Variants in HIP1 observed in about 807,000 individuals in gnomAD.
HIP1 encodes huntingtin interacting protein 1, also known as huntingtin-interacting protein 1.
HIP1 carries 65 observed loss-of-function variants against 147.6 expected under a neutral mutation model. The observed-to-expected ratio is 0.44, with a 90% CI of 0.36 to 0.54. HIP1 has a LOEUF of 0.54. Among genes scored for constraint, HIP1 ranks in the 20% least tolerant of loss-of-function variants. The pLI, the probability that HIP1 is intolerant of heterozygous loss-of-function variation, is 0.00. For missense variants in HIP1, 1,061 were observed against 1,299.6 expected (o/e 0.82, Z 2.82); for synonymous variants, 479 against 504.0 (o/e 0.95, Z 0.67).
At chr7:75,640,910 G>T (rs1798631095) in intron 1 of HIP1, among the ~76,000 whole-genome samples, 1 of 152,018 alleles carries the variant, frequency 6.6e-6, no homozygotes, top group Non-Finnish European at 1.5e-5. Context: ...GGACCTGCTG[G>T]GCTTGCCCTA....
At chr7:75,612,480 G>A (rs1460367420) in intron 1 of HIP1, among the ~76,000 whole-genome samples, 3 of 151,898 alleles carry the variant, frequency 2.0e-5, no homozygotes, top group Non-Finnish European at 4.4e-5. Context: ...CTGCACTCCA[G>A]CCTGGGTGAC....
At position 75,618,941 on chromosome 7, in the gene HIP1, C is replaced by T. The variant is rs587616412; in HGVS notation, c.121-19694G>A. On this transcript the variant is annotated intron_variant, in intron 1 of 30. Coordinates refer to ENST00000336926, the MANE Select transcript of HIP1 (RefSeq NM_005338.7). ...AACCTCCTGGGCTCCAGTGAGCCTC[C>T]CACCTTGGCCTCCCACCCAACATCC... Among the ~76,000 whole-genome samples, 9 of 152,226 alleles carry T rather than the reference C, an allele frequency of 5.9e-5. 1 individual carries two copies. The South Asian group carries it at 1.9e-3, about 32-fold the overall frequency.
chr7:75,592,322 C>T (rs1554500955), intron 3 of HIP1, 50 bp downstream of exon 3: 1 of 1,570,556 alleles, frequency 6.4e-7, no homozygotes, highest in Non-Finnish European at 8.6e-7. Context: ...CAGTCACTTT[C>T]CCCACAAGGA....
intron 1 of HIP1, among the ~76,000 whole-genome samples, chr7:75,725,824 A>ATTTTTT (rs60855107): frequency 1.5e-5 from 2 of 136,554 alleles, no homozygotes; most frequent in African/African-American, 2.7e-5. Flanking sequence ...TGTGCTATGC[A>ATTTTTT]TTTTTTTTTT....
chr7:75,663,165 G>A (rs1799368648), intron 1 of HIP1, among the ~76,000 whole-genome samples: 1 of 152,188 alleles, frequency 6.6e-6, no homozygotes, highest in Non-Finnish European at 1.5e-5. Context: ...TTCAGTGGGT[G>A]GTTTGGCAAG....
At chr7:75,570,426 G>C (rs957943305) in intron 8 of HIP1, among the ~76,000 whole-genome samples, 1 of 151,012 alleles carries the variant, frequency 6.6e-6, no homozygotes, top group Non-Finnish European at 1.5e-5. Flanking sequence ...TGAGCAGCTG[G>C]GACTACAGGC....
At chr7:75,667,386 T>C (rs1407802633) in intron 1 of HIP1, among the ~76,000 whole-genome samples, 1 of 152,188 alleles carries the variant, frequency 6.6e-6, no homozygotes, top group East Asian at 1.9e-4. Context: ...GGCATGAAAA[T>C]AGCAAAACTT....
At chr7:75,583,756 TTGTG>T (rs60640180) in intron 5 of HIP1, among the ~76,000 whole-genome samples, 15,872 of 115,268 alleles carry the variant, frequency 0.14, 1,030 homozygotes, top group South Asian at 0.18. Context: ...GCGGGCTAAT[TTGTG>T]TGTGTGTGTG....
intron 1 of HIP1, among the ~76,000 whole-genome samples, chr7:75,666,607 C>A (rs1799566387): frequency 6.6e-6 from 1 of 152,226 alleles, no homozygotes; most frequent in South Asian, 2.1e-4. Context: ...ATTCAGGAAA[C>A]TGGGCATGGT....
chr7:75,590,719 A>C (rs1251981385), intron 4 of HIP1, among the ~76,000 whole-genome samples: 10 of 152,244 alleles, frequency 6.6e-5, no homozygotes, highest in Admixed American at 3.9e-4. Flanking sequence ...AAAGATGGAG[A>C]AATATATACC....
At chr7:75,616,373 A>C (rs1053654945) in intron 1 of HIP1, among the ~76,000 whole-genome samples, 2 of 151,920 alleles carry the variant, frequency 1.3e-5, no homozygotes, top group Non-Finnish European at 2.9e-5. Flanking sequence ...GGGTTCATGC[A>C]ATCGTCCCAC....
chr7:75,555,195 CGG>C (rs371043786), intron 19 of HIP1, among the ~76,000 whole-genome samples: 1 of 23,602 alleles, frequency 4.2e-5, no homozygotes, highest in Non-Finnish European at 9.9e-5. Flanking sequence ...AGCGGGGGGG[CGG>C]GGGGGGGGAA....
chr7:75,585,461 C>T (rs1796225188), intron 5 of HIP1, among the ~76,000 whole-genome samples: 2 of 152,124 alleles, frequency 1.3e-5, no homozygotes, highest in Admixed American at 1.3e-4. Context: ...CAGGCGTGAG[C>T]CACTGCGCCC....
At chr7:75,686,482 A>G (rs1293581424) in intron 1 of HIP1, among the ~76,000 whole-genome samples, 2 of 152,164 alleles carry the variant, frequency 1.3e-5, no homozygotes, top group Admixed American at 6.6e-5. Context: ...GTATTGAAGA[A>G]TTCCTCTTAG....
At position 75,641,477 on chromosome 7, in the gene HIP1, A is replaced by T. The variant is rs372367102; in HGVS notation, c.121-42230T>A. Reference sequence around the variant, plus strand: ...TTGGTTTTCTTTTTCTTTCTTTTTTATTTGCTCCTTGTTTGCTTTTTTTTT... The same window carrying T: ...TTGGTTTTCTTTTTCTTTCTTTTTTTTTTGCTCCTTGTTTGCTTTTTTTTT... On this transcript the variant is annotated intron_variant, in intron 1 of 30. Transcript: ENST00000336926. Among the ~76,000 whole-genome samples, 1,301 of 135,052 alleles carry T rather than the reference A, an allele frequency of 9.6e-3. 19 individuals are homozygous for T. The highest frequency in any genetic ancestry group is 0.026 in the African/African-American group (895 of 35,020). The allele number at this position is 135,052 out of a possible 152,430, so 88.6% of individuals were successfully genotyped here.
chr7:75,552,583 C>T (rs1326084285), intron 22 of HIP1, among the ~76,000 whole-genome samples: 1 of 152,094 alleles, frequency 6.6e-6, no homozygotes, highest in Non-Finnish European at 1.5e-5. Flanking sequence ...TATTGAACTC[C>T]TGGCCTCAAG....
chr7:75,566,317 C>T (rs928581912), intron 9 of HIP1, among the ~76,000 whole-genome samples: 5 of 151,510 alleles, frequency 3.3e-5, no homozygotes, highest in Non-Finnish European at 7.3e-5. Context: ...CCACTGCACC[C>T]GGCTGGTGTT....
chr7:75,680,766 C>T (rs1423611930), intron 1 of HIP1, among the ~76,000 whole-genome samples: 1 of 151,860 alleles, frequency 6.6e-6, no homozygotes. Context: ...TGTGCCACCA[C>T]GCCCGGCTAA....
chr7:75,623,601 T>C (rs1797934131), intron 1 of HIP1, among the ~76,000 whole-genome samples: 1 of 152,052 alleles, frequency 6.6e-6, no homozygotes, highest in Non-Finnish European at 1.5e-5. Flanking sequence ...GAGCTCAGGA[T>C]TTGAGGAATG....
Sources: gnomAD v4.1 joint callset for allele counts (sites outside exome capture counted in the v4.1 genomes callset) on GRCh38, gnomAD v4.1.1 for gene constraint, MANE v1.5 for transcripts, NCBI Gene and HGNC (gene_info 2026-07-23, HGNC 2026-07-21) for gene names.